UNC5D: variants seen among roughly 807,000 people sequenced by gnomAD.
UNC5D encodes the protein unc-5 netrin receptor D, also known as netrin receptor UNC5D.
In UNC5D, 39 loss-of-function variants were observed where a neutral mutation model predicts 105.4. The observed-to-expected ratio is 0.37, with a 90% CI of 0.29 to 0.48. The LOEUF (loss-of-function observed/expected upper bound fraction) is 0.48. UNC5D is among the 20% of genes least tolerant of loss of function. The pLI is 0.98. For missense variants in UNC5D, 991 were observed against 1,202.4 expected, an observed-to-expected ratio of 0.82 and a Z score of 2.60; for synonymous variants, 452 against 450.4, an observed-to-expected ratio of 1.00 and a Z score of -0.04.
chr8:35,690,946 G>T lies in UNC5D; in HGVS notation c.1084+4237G>T, dbSNP rs571364411. ...CCTCAATTTCCACCTTCTCGTGGAG[G>T]ATTCACAATGGCATTTCTTGGCTCT... On this transcript the variant is annotated intron_variant, in intron 7 of 16. Coordinates refer to ENST00000404895, the MANE Select transcript of UNC5D (RefSeq NM_080872.4). Among the ~76,000 whole-genome samples the T allele has an allele frequency of 1.6e-4, 24 of 152,270 alleles. No individual in the cohort carries two copies. In the South Asian group the frequency reaches 4.8e-3, roughly 30 times the overall value.
chr8:35,627,402 G>A (rs1821753846), intron 4 of UNC5D, among the ~76,000 whole-genome samples: 1 of 152,116 alleles, frequency 6.6e-6, no homozygotes, highest in South Asian at 2.1e-4. Context: ...GCACACTCAG[G>A]GCATCTTTAT....
At chr8:35,595,453 G>C (rs913980163) in intron 3 of UNC5D, 101 bp from the exon 4 acceptor site, 6 of 886,680 alleles carry the variant, frequency 6.8e-6, no homozygotes, top group Non-Finnish European at 1.1e-5. Flanking sequence ...GTGTGTGTGT[G>C]TCTAGGTTGT....
At chr8:35,441,942 A>G (rs1037902029) in intron 1 of UNC5D, among the ~76,000 whole-genome samples, 2 of 151,836 alleles carry the variant, frequency 1.3e-5, no homozygotes, top group Non-Finnish European at 2.9e-5. Context: ...TGATTCCAGG[A>G]CCTATTTGAT....
intron 1 of UNC5D, among the ~76,000 whole-genome samples, chr8:35,380,185 C>CA (rs901522834): frequency 8.9e-5 from 11 of 123,248 alleles, no homozygotes; most frequent in African/African-American, 3.5e-4. Flanking sequence ...GACGGAGAGA[C>CA]AGAGACCGAG....
intron 1 of UNC5D, among the ~76,000 whole-genome samples, chr8:35,257,190 C>T (rs1344612601): frequency 3.9e-5 from 6 of 151,938 alleles, no homozygotes; most frequent in African/African-American, 1.2e-4. Context: ...CAGGTGATCA[C>T]GATCTCCTGA....
chr8:35,358,319 A>G (rs982506831), intron 1 of UNC5D, among the ~76,000 whole-genome samples: 23 of 152,210 alleles, frequency 1.5e-4, no homozygotes, highest in African/African-American at 5.5e-4. Context: ...ATGCAGCCCT[A>G]AAAAGGAATG....
intron 1 of UNC5D, among the ~76,000 whole-genome samples, chr8:35,238,292 AG>A (rs1802595009): frequency 6.6e-6 from 1 of 152,056 alleles, no homozygotes; most frequent in Non-Finnish European, 1.5e-5. Flanking sequence ...TGCAAATCAG[AG>A]GGAGATTTCA....
At chr8:35,470,667 G>A (rs1333286101) in intron 1 of UNC5D, among the ~76,000 whole-genome samples, 2 of 151,128 alleles carry the variant, frequency 1.3e-5, no homozygotes, top group Non-Finnish European at 2.9e-5. Flanking sequence ...TACTTGGGAG[G>A]TTGAGGTGGG....
intron 4 of UNC5D, among the ~76,000 whole-genome samples, chr8:35,642,126 C>T (rs1421173333): frequency 6.6e-6 from 1 of 152,128 alleles, no homozygotes; most frequent in African/African-American, 2.4e-5. Context: ...GCACCTCCAC[C>T]TAGAGTTTAT....
intron 3 of UNC5D, among the ~76,000 whole-genome samples, chr8:35,586,521 G>A (rs963810710): frequency 3.9e-5 from 6 of 152,046 alleles, no homozygotes; most frequent in Non-Finnish European, 7.4e-5. Flanking sequence ...CTTGACTTCC[G>A]GTTTGCTGGC....
chr8:35,337,768 AAAAC>A (rs1274220280), intron 1 of UNC5D, among the ~76,000 whole-genome samples: 1 of 152,126 alleles, frequency 6.6e-6, no homozygotes, highest in Non-Finnish European at 1.5e-5. Flanking sequence ...AAGAAAAAAA[AAAAC>A]AGATAGCCAA....
chr8:35,636,386 C>T (rs901462402), intron 4 of UNC5D, among the ~76,000 whole-genome samples: 3 of 152,042 alleles, frequency 2.0e-5, no homozygotes, highest in African/African-American at 7.2e-5. Context: ...TTATTTGTCC[C>T]GGAGGCTATC....
chr8:35,439,532 T>C (rs1257098120), intron 1 of UNC5D, among the ~76,000 whole-genome samples: 2 of 152,062 alleles, frequency 1.3e-5, no homozygotes, highest in Admixed American at 1.3e-4. Flanking sequence ...AACACCGTGT[T>C]TGTGACATCG....
At chr8:35,747,363 T>A (rs1830059351) in intron 11 of UNC5D, among the ~76,000 whole-genome samples, 1 of 152,196 alleles carries the variant, frequency 6.6e-6, no homozygotes, top group South Asian at 2.1e-4. Context: ...AGAAAAACTC[T>A]TTGTTTATAG....
chr8:35,294,898 A>G (rs969892307), intron 1 of UNC5D, among the ~76,000 whole-genome samples: 1 of 152,120 alleles, frequency 6.6e-6, no homozygotes, highest in African/African-American at 2.4e-5. Flanking sequence ...CTGTGGTGTT[A>G]TTCGAAGTTT....
At chr8:35,373,845 T>C (rs1451188114) in intron 1 of UNC5D, among the ~76,000 whole-genome samples, 1 of 152,190 alleles carries the variant, frequency 6.6e-6, no homozygotes, top group Non-Finnish European at 1.5e-5. Context: ...TGATAGACAC[T>C]TCACCACTGA....
chr8:35,299,500 C>A lies in UNC5D; in HGVS notation c.103+63613C>A, dbSNP rs566158947. On this transcript the variant is annotated intron_variant, in intron 1 of 16. Transcript: ENST00000404895. The stretch of plus-strand genomic sequence containing the variant: ...TTCCTTTCTTCCCTCTTGATGATTT[C>A]CATGCTTTGTGGAGGTTGTGTTAGA... Among the ~76,000 whole-genome samples, 35 of 152,280 alleles carry A rather than the reference C, an allele frequency of 2.3e-4. No homozygotes were observed. In the South Asian group the frequency reaches 7.0e-3, roughly 31 times the overall value.
At chr8:35,252,242 T>A (rs1381919746) in intron 1 of UNC5D, among the ~76,000 whole-genome samples, 1 of 152,072 alleles carries the variant, frequency 6.6e-6, no homozygotes, top group Non-Finnish European at 1.5e-5. Flanking sequence ...TTTATTTAAT[T>A]GTTGCATATG....
chr8:35,388,630 T>C (rs886131114), intron 1 of UNC5D, among the ~76,000 whole-genome samples: 1 of 152,220 alleles, frequency 6.6e-6, no homozygotes, highest in Admixed American at 6.5e-5. Context: ...TTGGAGGGCA[T>C]ATATTCATAT....
Sources: gnomAD v4.1 joint callset for allele counts (sites outside exome capture counted in the v4.1 genomes callset) on GRCh38, gnomAD v4.1.1 for gene constraint, MANE v1.5 for transcripts, NCBI Gene and HGNC (gene_info 2026-07-23, HGNC 2026-07-21) for gene names.